Variants in ROCK1 observed in about 807,000 individuals in gnomAD.
The protein encoded by ROCK1 is rho-associated protein kinase 1.
ROCK1 carries 36 observed loss-of-function variants against 196.8 expected under a neutral mutation model. The ratio of observed to expected loss-of-function variants is 0.18; its 90% CI spans 0.14 to 0.24. ROCK1 has a LOEUF of 0.24. Among genes scored for constraint, ROCK1 ranks in the 10% least tolerant of loss-of-function variants. The pLI is 1.00. For missense variants in ROCK1, 920 were observed against 1,562.0 expected, an observed-to-expected ratio of 0.59 and a Z score of 6.93; for synonymous variants, 443 against 515.9, an observed-to-expected ratio of 0.86 and a Z score of 1.91.
chr18:21,070,653 C>T, intron 1 of ROCK1, 40 bp from the exon 2 acceptor site: 1 of 1,268,576 alleles, frequency 7.9e-7, no homozygotes, highest in Non-Finnish European at 1.1e-6. Context: ...TTTTGGATCA[C>T]ATTATACAGT....
At position 21,045,356 on chromosome 18, in the gene ROCK1, G is replaced by A. The variant is rs768138112; in HGVS notation, c.526C>T (p.Arg176Ter). 3 of 1,613,674 alleles carry A rather than the reference G, an allele frequency of 1.9e-6. No homozygotes were observed. Among genetic ancestry groups the A allele is most frequent in the Non-Finnish European group, 1.7e-6 (2 of 1,179,906 alleles). ...SNYDVPEKWA[R>*]FYTAEVVLAL... is the part of the protein sequence containing the mutation. Reference sequence around the variant, plus strand: ...AGAACTACTTCTGCAGTATAGAATCGTGCCCATTTTTCAGGCACATCATAG... The same window carrying A: ...AGAACTACTTCTGCAGTATAGAATCATGCCCATTTTTCAGGCACATCATAG... The change falls in exon 5 of 33, where the codon CGA becomes TGA. Residue 176 changes from arginine (R) to a stop codon, truncating the protein, a stop_gained. Coordinates refer to ENST00000399799, the MANE Select transcript of ROCK1 (RefSeq NM_005406.3). LOFTEE classifies it high-confidence loss of function.
At chr18:20,965,438 TAC>T (rs2035365141) in intron 27 of ROCK1, among the ~76,000 whole-genome samples, 1 of 151,780 alleles carries the variant, frequency 6.6e-6, no homozygotes, top group Non-Finnish European at 1.5e-5. Flanking sequence ...CATACATACA[TAC>T]ATATATACAT....
intron 20 of ROCK1, among the ~76,000 whole-genome samples, chr18:20,983,341 A>G (rs1052353400): frequency 6.6e-6 from 1 of 150,608 alleles, no homozygotes; most frequent in Non-Finnish European, 1.5e-5. Flanking sequence ...ATGAACCATC[A>G]GGTAAGAAGG....
At position 21,105,262 on chromosome 18, in the gene ROCK1, G is replaced by A. The variant is rs78432545; in HGVS notation, c.93+5556C>T. The stretch of plus-strand genomic sequence containing the variant: ...AGCCTAGATTTCAATCCAAGTTTAG[G>A]CCCTATACAAAGATTTGCTGAATGA... On this transcript the variant is annotated intron_variant, in intron 1 of 32. Transcript: ENST00000399799. Among the ~76,000 whole-genome samples, 226 of 152,116 alleles carry A rather than the reference G, an allele frequency of 1.5e-3. 3 individuals are homozygous for A. The East Asian group carries it at 0.031, about 21-fold the overall frequency.
In ROCK1 at chr18:20,991,904, T is replaced by C. The variant is rs190024969; in HGVS notation, c.1993-578A>G. 5.9e-5 allele frequency among the ~76,000 whole-genome samples: 9 copies of C among 152,218 alleles called. No homozygotes were observed. The Middle Eastern group carries it at 0.01, about 173-fold the overall frequency. On this transcript the variant is annotated intron_variant, in intron 17 of 32. Coordinates refer to ENST00000399799, the MANE Select transcript of ROCK1 (RefSeq NM_005406.3). ...CCTCCTGTGTCAGCCTCCCAAAGTG[T>C]TGGGTCTACAGGCATGAGCCACCTT... is the stretch of plus-strand genomic sequence containing the variant.
At chr18:21,086,432 T>G (rs939739692) in intron 1 of ROCK1, among the ~76,000 whole-genome samples, 11 of 152,174 alleles carry the variant, frequency 7.2e-5, no homozygotes, top group African/African-American at 2.7e-4. Context: ...TTTTTAAAAC[T>G]CAGCTAATTG....
chr18:21,014,854 T>C (rs944860749), intron 13 of ROCK1, among the ~76,000 whole-genome samples: 10 of 152,206 alleles, frequency 6.6e-5, no homozygotes, highest in South Asian at 2.1e-4. Context: ...ATGGGACTCA[T>C]AGACACAGTA....
intron 12 of ROCK1, among the ~76,000 whole-genome samples, chr18:21,017,174 C>T (rs1373832162): frequency 2.0e-5 from 3 of 149,876 alleles, no homozygotes; most frequent in East Asian, 2.0e-4. Flanking sequence ...CCAATTAACA[C>T]ATACCACACT....
chr18:21,031,933 G>T (rs1319175757), intron 9 of ROCK1, among the ~76,000 whole-genome samples: 1 of 152,152 alleles, frequency 6.6e-6, no homozygotes, highest in Admixed American at 6.5e-5. Flanking sequence ...TATCAAGTGT[G>T]AGGAACAGAA....
intron 16 of ROCK1, among the ~76,000 whole-genome samples, chr18:21,003,824 A>G (rs2035746722): frequency 6.6e-6 from 1 of 152,168 alleles, no homozygotes; most frequent in African/African-American, 2.4e-5. Flanking sequence ...TGGGATACTC[A>G]ACTGGTAAGT....
chr18:21,080,641 G>A lies in ROCK1; in HGVS notation c.94-10028C>T, dbSNP rs563757329. 7.2e-5 allele frequency among the ~76,000 whole-genome samples: 11 copies of A among 152,078 alleles called. No individual in the cohort carries two copies. In the East Asian group the frequency reaches 2.1e-3, roughly 29 times the overall value. ...AGTCCAAAGACAAATGGTTAAAAGT[G>A]AAAGATGGGAAAAAATACTCCATGC... On this transcript the variant is annotated intron_variant, in intron 1 of 32. Coordinates refer to ENST00000399799, the MANE Select transcript of ROCK1 (RefSeq NM_005406.3).
rs896322018 is a variant in ROCK1 at position 21,018,135 on chromosome 18, T to C, written c.1361+2016A>G. On this transcript the variant is annotated intron_variant, in intron 12 of 32. Transcript: ENST00000399799. ...ATTTTATTTCCTTGAGGTGATACTTTCATATGATTATTAGCCAATTCAGCC... is the reference window on the plus strand; with the variant it reads ...ATTTTATTTCCTTGAGGTGATACTTCCATATGATTATTAGCCAATTCAGCC... Among the ~76,000 whole-genome samples the C allele has an allele frequency of 5.3e-5, 8 of 152,206 alleles. 1 individual carries two copies. Among genetic ancestry groups the C allele is most frequent in the Admixed American group, 5.2e-4 (8 of 15,282 alleles).
chr18:21,015,959 G>A (rs2035859294), intron 12 of ROCK1, among the ~76,000 whole-genome samples: 1 of 150,766 alleles, frequency 6.6e-6, no homozygotes, highest in African/African-American at 2.4e-5. Flanking sequence ...CAGCCTGGGT[G>A]ATACAGTGAG....
At chr18:21,049,362 C>G in intron 3 of ROCK1, 133 bp from the exon 4 acceptor site, 1 of 693,328 alleles carries the variant, frequency 1.4e-6, no homozygotes, top group Non-Finnish European at 2.2e-6. Context: ...ATTTTTATTT[C>G]TTCTCTTCTG....
At chr18:21,072,632 T>C (rs1159166471) in intron 1 of ROCK1, among the ~76,000 whole-genome samples, 3 of 152,192 alleles carry the variant, frequency 2.0e-5, no homozygotes, top group Non-Finnish European at 4.4e-5. Flanking sequence ...ATAACATTCA[T>C]CCAAGTGCAA....
chr18:21,079,499 T>C (rs570044898), intron 1 of ROCK1, among the ~76,000 whole-genome samples: 1 of 152,288 alleles, frequency 6.6e-6, no homozygotes, highest in South Asian at 2.1e-4. Context: ...CGTCCTGCAA[T>C]GAGAAGGGAA....
chr18:20,967,674 T>C, intron 26 of ROCK1, 78 bp downstream of exon 26: 2 of 1,121,494 alleles, frequency 1.8e-6, no homozygotes, highest in Non-Finnish European at 2.5e-6. Flanking sequence ...ACAAGATAAA[T>C]AGATAACAAG....
At chr18:21,093,213 T>C (rs1163035852) in intron 1 of ROCK1, among the ~76,000 whole-genome samples, 1 of 152,208 alleles carries the variant, frequency 6.6e-6, no homozygotes, top group Non-Finnish European at 1.5e-5. Context: ...TCTTAGAAGC[T>C]ACTGGCACTC....
intron 1 of ROCK1, among the ~76,000 whole-genome samples, chr18:21,074,627 G>A (rs1314477152): frequency 3.3e-5 from 5 of 152,132 alleles, no homozygotes; most frequent in Non-Finnish European, 7.4e-5. Context: ...CCAGTGCCCT[G>A]AGGGGAAATG....
Sources: allele counts gnomAD v4.1 joint callset (sites outside exome capture counted in the v4.1 genomes callset), GRCh38; gene constraint gnomAD v4.1.1; transcripts MANE v1.5; gene names NCBI Gene and HGNC (gene_info 2026-07-23, HGNC 2026-07-21).